Variants in CHSY3 observed in about 807,000 individuals in gnomAD.
CHSY3 encodes N-acetylgalactosaminyl-proteoglycan 3-beta-glucuronosyltransferase 3.
In CHSY3, 35 loss-of-function variants were observed where a neutral mutation model predicts 67.2. The ratio of observed to expected loss-of-function variants is 0.52; its 90% CI spans 0.40 to 0.69. The LOEUF is 0.69. Among genes scored for constraint, CHSY3 ranks in the 30% least tolerant of loss-of-function variants. The pLI is 0.00. For missense variants in CHSY3, 1,069 were observed against 1,138.5 expected (o/e 0.94, Z 0.88); for synonymous variants, 474 against 434.7 (o/e 1.09, Z -1.12).
intron 2 of CHSY3, among the ~76,000 whole-genome samples, chr5:130,069,962 A>G (rs909772231): frequency 3.9e-5 from 6 of 152,102 alleles, no homozygotes; most frequent in African/African-American, 1.2e-4. Context: ...TGCATTTAAT[A>G]TTGACATTTA....
At chr5:130,028,743 T>C (rs1764626663) in intron 2 of CHSY3, among the ~76,000 whole-genome samples, 2 of 152,104 alleles carry the variant, frequency 1.3e-5, no homozygotes, top group Admixed American at 6.6e-5. Flanking sequence ...CTCTCTCTTA[T>C]TACTTTTTGT....
chr5:130,149,812 C>A (rs867954494), intron 2 of CHSY3, among the ~76,000 whole-genome samples: 22 of 152,126 alleles, frequency 1.4e-4, no homozygotes, highest in African/African-American at 5.1e-4. Flanking sequence ...ACACCAGTAT[C>A]TGTATACAAG....
intron 2 of CHSY3, among the ~76,000 whole-genome samples, chr5:130,165,510 G>A (rs373864313): frequency 1.1e-3 from 164 of 152,066 alleles, no homozygotes; most frequent in African/African-American, 3.7e-3. Flanking sequence ...CCATTATCGT[G>A]TCCTTTATTT....
At chr5:129,920,473 T>C (rs1482900074) in intron 2 of CHSY3, among the ~76,000 whole-genome samples, 2 of 152,186 alleles carry the variant, frequency 1.3e-5, no homozygotes, top group Admixed American at 6.5e-5. Flanking sequence ...CTTGAGCTCC[T>C]GATCTCGTGA....
At chr5:130,086,177 G>A (rs1237380947) in intron 2 of CHSY3, among the ~76,000 whole-genome samples, 1 of 151,998 alleles carries the variant, frequency 6.6e-6, no homozygotes, top group Non-Finnish European at 1.5e-5. Context: ...TTAACTTTCT[G>A]TCTCGTTGAT....
chr5:129,930,615 G>A (rs560529362), intron 2 of CHSY3, among the ~76,000 whole-genome samples: 15 of 151,728 alleles, frequency 9.9e-5, no homozygotes, highest in African/African-American at 3.6e-4. Context: ...AGGGGAGGAC[G>A]GTCAGGCTAG....
At chr5:130,087,664 C>T (rs1041965227) in intron 2 of CHSY3, among the ~76,000 whole-genome samples, 6 of 151,916 alleles carry the variant, frequency 3.9e-5, no homozygotes, top group African/African-American at 7.3e-5. Flanking sequence ...TTACATGGGA[C>T]GTGAAGGACC....
intron 2 of CHSY3, among the ~76,000 whole-genome samples, chr5:130,070,688 A>T (rs1766032535): frequency 6.6e-6 from 1 of 152,076 alleles, no homozygotes; most frequent in Non-Finnish European, 1.5e-5. Flanking sequence ...TCATTTATTT[A>T]TTACAGTCAT....
At chr5:130,157,343 A>C (rs571624341) in intron 2 of CHSY3, among the ~76,000 whole-genome samples, 7 of 152,230 alleles carry the variant, frequency 4.6e-5, no homozygotes, top group Non-Finnish European at 1.0e-4. Context: ...CCTTAATAGG[A>C]CTGCAATTCA....
At position 129,967,246 on chromosome 5, in the gene CHSY3, A is replaced by T. The variant is rs1368387753; in HGVS notation, c.1086+58886A>T. On this transcript the variant is annotated intron_variant, in intron 2 of 2. Transcript: ENST00000305031. ...GGGAAGATGGAATTAGTTAATGGAG[A>T]GCCTTTTTACATGTCTTAAGAGTCA... Among the ~76,000 whole-genome samples the T allele has an allele frequency of 5.3e-5, 8 of 151,942 alleles. 1 individual carries two copies. Among genetic ancestry groups the T allele is most frequent in the Admixed American group, 4.6e-4 (7 of 15,200 alleles).
rs180867470 is a variant in CHSY3, at chr5:129,999,997, T to G, written c.1086+91637T>G. Among the ~76,000 whole-genome samples, 884 of 152,236 alleles carry G rather than the reference T, an allele frequency of 5.8e-3. 4 individuals carry two copies. Among genetic ancestry groups the G allele is most frequent in the Non-Finnish European group, 8.7e-3 (593 of 68,002 alleles). On this transcript the variant is annotated intron_variant, in intron 2 of 2. Coordinates refer to ENST00000305031, the MANE Select transcript of CHSY3 (RefSeq NM_175856.5). ...CATTGTCTTTGAGAAAGCTAAAATC[T>G]CCTGCTTATTAAGAAACTTGTGATA... is the stretch of plus-strand genomic sequence containing the variant.
At chr5:129,979,929 T>C (rs1762934183) in intron 2 of CHSY3, among the ~76,000 whole-genome samples, 1 of 152,190 alleles carries the variant, frequency 6.6e-6, no homozygotes, top group African/African-American at 2.4e-5. Flanking sequence ...GCTTAATAAC[T>C]CATTTCTTTT....
intron 2 of CHSY3, among the ~76,000 whole-genome samples, chr5:130,056,133 C>T (rs1765524725): frequency 6.6e-6 from 1 of 152,108 alleles, no homozygotes; most frequent in Admixed American, 6.5e-5. Flanking sequence ...TTCCTATGTG[C>T]ATCCTAACTT....
chr5:129,979,861 T>C (rs1337912594), intron 2 of CHSY3, among the ~76,000 whole-genome samples: 1 of 152,218 alleles, frequency 6.6e-6, no homozygotes, highest in Non-Finnish European at 1.5e-5. Context: ...ATAACCTTTT[T>C]CGCTTGGTTT....
At chr5:130,147,960 A>T (rs1769120683) in intron 2 of CHSY3, among the ~76,000 whole-genome samples, 1 of 152,188 alleles carries the variant, frequency 6.6e-6, no homozygotes, top group East Asian at 1.9e-4. Context: ...CCCAAGTATT[A>T]ACCACAACAA....
chr5:129,920,978 C>G (rs1338325636), intron 2 of CHSY3, among the ~76,000 whole-genome samples: 1 of 152,058 alleles, frequency 6.6e-6, no homozygotes, highest in Non-Finnish European at 1.5e-5. Flanking sequence ...ACCGCCATGC[C>G]CATCTAACTT....
chr5:129,991,108 G>T (rs1763350661), intron 2 of CHSY3, among the ~76,000 whole-genome samples: 1 of 152,134 alleles, frequency 6.6e-6, no homozygotes, highest in African/African-American at 2.4e-5. Flanking sequence ...GAGGTTGCAG[G>T]TCTTTATCTG....
At chr5:130,128,269 G>A (rs951489504) in intron 2 of CHSY3, among the ~76,000 whole-genome samples, 1 of 142,310 alleles carries the variant, frequency 7.0e-6, no homozygotes, top group East Asian at 2.2e-4. Context: ...CACATGCTCA[G>A]GCATGCACAT....
intron 2 of CHSY3, among the ~76,000 whole-genome samples, chr5:129,955,370 T>G (rs1762141823): frequency 6.6e-6 from 1 of 152,152 alleles, no homozygotes. Context: ...TCTGCATTTA[T>G]TCTTTCCTGG....
Sources: allele counts gnomAD v4.1 joint callset (sites outside exome capture counted in the v4.1 genomes callset), GRCh38; gene constraint gnomAD v4.1.1; transcripts MANE v1.5; gene names NCBI Gene and HGNC (gene_info 2026-07-23, HGNC 2026-07-21).